Variants in TAF3 observed in about 807,000 individuals in gnomAD.
TAF3 encodes transcription initiation factor TFIID subunit 3.
Under a neutral mutation model 80.6 loss-of-function variants are expected in TAF3, and 7 were observed. The ratio of observed to expected loss-of-function variants is 0.09; its 90% CI spans 0.05 to 0.16. The LOEUF is 0.16. Ranked by LOEUF, TAF3 falls within the 10% of genes least tolerant of loss-of-function variation. The pLI is 1.00. For missense variants in TAF3, 921 were observed against 1,140.2 expected (o/e 0.81, Z 2.77); for synonymous variants, 444 against 446.1 (o/e 1.00, Z 0.06).
At chr10:7,879,899 A>G (rs1171464465) in intron 2 of TAF3, among the ~76,000 whole-genome samples, 1 of 152,130 alleles carries the variant, frequency 6.6e-6, no homozygotes, top group African/African-American at 2.4e-5. Flanking sequence ...TTTGGGAGAA[A>G]CAAGACCTAG....
chr10:7,846,115 C>T lies in TAF3; in HGVS notation c.409+21555C>T, dbSNP rs958195943. ...CTGGGACTACAGGCGCCCGCCACCA[C>T]GCCTAGCTAATTTTTTGTGTTTTGG... On this transcript the variant is annotated intron_variant, in intron 2 of 6. Transcript: ENST00000344293. Among the ~76,000 whole-genome samples, 42 of 152,100 alleles carry T rather than the reference C, an allele frequency of 2.8e-4. 1 individual carries two copies. The highest frequency in any genetic ancestry group is 7.7e-4 in the African/African-American group (32 of 41,518).
At chr10:8,010,025 C>T (rs1832039518) in intron 5 of TAF3, among the ~76,000 whole-genome samples, 1 of 152,142 alleles carries the variant, frequency 6.6e-6, no homozygotes, top group South Asian at 2.1e-4. Flanking sequence ...GATCCTCCCA[C>T]CTCTTGAGTA....
Position 8,015,440 on chromosome 10 carries a change from C to G in TAF3, c.*689C>G, listed in dbSNP as rs1263996039. On this transcript the variant is annotated 3_prime_UTR_variant, in exon 7 of 7. Transcript: ENST00000344293. ...CATTCTAATTTTGCCCTTCTTTAAA[C>G]TGCTGGAGTCTCTTCTCACTGCTTG... is the stretch of plus-strand genomic sequence containing the variant. The G allele has an allele frequency of 4.6e-5, 7 of 152,162 alleles. No homozygotes were observed. The highest frequency in any genetic ancestry group is 7.2e-5 in the African/African-American group (3 of 41,446). The allele number at this position is 152,162 out of a possible 1,614,324, so 9.4% of individuals were successfully genotyped here.
intron 2 of TAF3, among the ~76,000 whole-genome samples, chr10:7,861,066 A>G (rs1215458356): frequency 1.3e-5 from 2 of 151,098 alleles, no homozygotes; most frequent in Non-Finnish European, 2.9e-5. Context: ...GGTTCATGCC[A>G]TTCTCCTGCC....
In TAF3 at chr10:7,872,107, G is replaced by A. The variant is rs144194348; in HGVS notation, c.409+47547G>A. Among the ~76,000 whole-genome samples the A allele has an allele frequency of 3.7e-3, 565 of 151,774 alleles. 4 individuals are homozygous for A. Among genetic ancestry groups the A allele is most frequent in the South Asian group, 0.02 (96 of 4,812 alleles). Reference sequence around the variant, plus strand: ...AGTCAGCGAAATTTCCATAATTAAAGTTTGTTCTTCCTGGCATTCTTTTCT... The same window carrying A: ...AGTCAGCGAAATTTCCATAATTAAAATTTGTTCTTCCTGGCATTCTTTTCT... On this transcript the variant is annotated intron_variant, in intron 2 of 6. Coordinates refer to ENST00000344293, the MANE Select transcript of TAF3 (RefSeq NM_031923.4).
intron 2 of TAF3, among the ~76,000 whole-genome samples, chr10:7,909,266 A>G (rs1020086114): frequency 2.6e-5 from 4 of 152,208 alleles, no homozygotes; most frequent in African/African-American, 9.7e-5. Context: ...AGAGGGCTCT[A>G]GTTGATTCTT....
chr10:7,901,741 G>A (rs1383909581), intron 2 of TAF3, among the ~76,000 whole-genome samples: 2 of 152,154 alleles, frequency 1.3e-5, no homozygotes, highest in Non-Finnish European at 2.9e-5. Context: ...ATATTAAGAC[G>A]CTTCAGAAAT....
At chr10:7,842,413 G>A in intron 2 of TAF3, among the ~76,000 whole-genome samples, 1 of 151,942 alleles carries the variant, frequency 6.6e-6, no homozygotes, top group South Asian at 2.1e-4. Context: ...TCCAGCGTTG[G>A]CCTCCCAAAG....
intron 2 of TAF3, among the ~76,000 whole-genome samples, chr10:7,861,214 T>C (rs1322427049): frequency 6.6e-6 from 1 of 152,186 alleles, no homozygotes; most frequent in Non-Finnish European, 1.5e-5. Context: ...TCCGCCCGTC[T>C]TGGCCTCTGG....
chr10:7,870,563 G>C (rs990688139), intron 2 of TAF3, among the ~76,000 whole-genome samples: 1 of 152,122 alleles, frequency 6.6e-6, no homozygotes, highest in Non-Finnish European at 1.5e-5. Flanking sequence ...ATTGGAAACT[G>C]TAACTGTTAG....
At chr10:8,005,664 T>C (rs535644281) in intron 4 of TAF3, among the ~76,000 whole-genome samples, 1 of 152,368 alleles carries the variant, frequency 6.6e-6, no homozygotes, top group East Asian at 1.9e-4. Flanking sequence ...TTCCTGCTTT[T>C]CCCTTTAGCT....
chr10:7,906,838 C>A (rs1345369170), intron 2 of TAF3, among the ~76,000 whole-genome samples: 1 of 151,242 alleles, frequency 6.6e-6, no homozygotes, highest in Non-Finnish European at 1.5e-5. Context: ...CTGCCTTGGC[C>A]TCCCGAGAAG....
chr10:7,835,694 G>A (rs1201757209), intron 2 of TAF3, among the ~76,000 whole-genome samples: 1 of 152,176 alleles, frequency 6.6e-6, no homozygotes, highest in African/African-American at 2.4e-5. Context: ...GCTCTTCTCG[G>A]GTTGGCCTGC....
intron 2 of TAF3, among the ~76,000 whole-genome samples, chr10:7,944,609 T>C (rs886880396): frequency 6.6e-6 from 1 of 152,218 alleles, no homozygotes; most frequent in African/African-American, 2.4e-5. Context: ...AAATGTACCA[T>C]AGTTATTGAA....
chr10:7,998,698 G>C (rs1831913975), intron 4 of TAF3, among the ~76,000 whole-genome samples: 1 of 152,146 alleles, frequency 6.6e-6, no homozygotes, highest in South Asian at 2.1e-4. Flanking sequence ...AATCAGCCGG[G>C]TGTGGTGATG....
At chr10:7,968,502 C>A (rs1271103069) in intron 3 of TAF3, among the ~76,000 whole-genome samples, 6 of 152,188 alleles carry the variant, frequency 3.9e-5, no homozygotes, top group African/African-American at 1.4e-4. Flanking sequence ...TTTTTAGCTT[C>A]TTTAATCCTT....
chr10:7,974,133 T>TACACACACACACAC (rs56363651), intron 3 of TAF3, among the ~76,000 whole-genome samples: 2 of 145,256 alleles, frequency 1.4e-5, no homozygotes, highest in South Asian at 2.2e-4. Context: ...TTCTGAAACA[T>TACACACACACACAC]ACACACACAC....
intron 2 of TAF3, among the ~76,000 whole-genome samples, chr10:7,871,859 G>A (rs1166318228): frequency 3.3e-5 from 5 of 152,248 alleles, no homozygotes; most frequent in Admixed American, 2.6e-4. Flanking sequence ...TTTAGATTAA[G>A]AAATATTGAT....
intron 4 of TAF3, among the ~76,000 whole-genome samples, chr10:8,008,363 T>G (rs1832017571): frequency 6.6e-6 from 1 of 151,976 alleles, no homozygotes. Flanking sequence ...CCTCCCAGAG[T>G]GCTAGGATTA....
Sources: gnomAD v4.1 joint callset for allele counts (sites outside exome capture counted in the v4.1 genomes callset) on GRCh38, gnomAD v4.1.1 for gene constraint, MANE v1.5 for transcripts, NCBI Gene and HGNC (gene_info 2026-07-23, HGNC 2026-07-21) for gene names.